The following PDE3A variants were observed in gnomAD, a reference collection of about 807,000 sequenced individuals.
The protein encoded by PDE3A is phosphodiesterase 3A, also known as cGMP-inhibited 3',5'-cyclic phosphodiesterase 3A.
PDE3A carries 43 observed loss-of-function variants against 98.3 expected under a neutral mutation model. The observed-to-expected ratio is 0.44, with a 90% confidence interval of 0.34 to 0.56. The LOEUF is 0.56. Ranked by LOEUF, PDE3A falls within the 20% of genes least tolerant of loss-of-function variation. The pLI, the probability that PDE3A is intolerant of heterozygous loss-of-function variation, is 0.01. For missense variants in PDE3A, 1,427 were observed against 1,440.7 expected (o/e 0.99, Z 0.15); for synonymous variants, 663 against 567.9 (o/e 1.17, Z -2.38).
At position 20,369,413 on chromosome 12, in the gene PDE3A, C is replaced by T; in HGVS notation, c.129C>T (p.Cys43=). ...CCGCATCGCCGCGGGACTCGGGCTG[C>T]CGTGGCTGCTGGGGAGACCTGGTGC... ...ADPASPRDSG[C]RGCWGDLVLQ... Residue 43 remains cysteine, a synonymous_variant, in exon 1 of 16, where the codon TGC becomes TGT. Transcript: ENST00000359062. 2 of 1,554,352 alleles carry T rather than the reference C, an allele frequency of 1.3e-6. No individual in the cohort carries two copies. Among genetic ancestry groups the T allele is most frequent in the Non-Finnish European group, 8.7e-7 (1 of 1,149,790 alleles).
In PDE3A at chr12:20,687,578, C is replaced by A. The variant is rs1592193950; in HGVS notation, c.*7307C>A. ...AGAATGCATACCATTTTTGTTCCAA[C>A]AAGAACAATCTGTTAGTTGATAAGC... On this transcript the variant is annotated 3_prime_UTR_variant, in exon 16 of 16. Coordinates refer to ENST00000359062, the MANE Select transcript of PDE3A (RefSeq NM_000921.5). Among the ~76,000 whole-genome samples, 1 of 151,990 alleles carries A rather than the reference C, an allele frequency of 6.6e-6. No individual in the cohort carries two copies. The highest frequency in any genetic ancestry group is 2.1e-4 in the South Asian group (1 of 4,824).
Position 20,680,115 on chromosome 12 carries a change from T to A in PDE3A, c.3270T>A (p.Ile1090=). The part of the protein sequence containing the change: ...LQNHKMWKKV[I]EEEQRLAGIE... ...ACCACAAGATGTGGAAGAAAGTCAT[T>A]GAAGAGGAGCAACGGTTGGCAGGCA... is the stretch of plus-strand genomic sequence containing the variant. The change falls in exon 16 of 16, where the codon ATT becomes ATA. Residue 1090 remains isoleucine (I), a synonymous_variant. Coordinates refer to ENST00000359062, the MANE Select transcript of PDE3A (RefSeq NM_000921.5). 11 of 1,613,560 alleles carry A rather than the reference T, an allele frequency of 6.8e-6. No individual in the cohort carries two copies. The highest frequency in any genetic ancestry group is 8.5e-6 in the Non-Finnish European group (10 of 1,179,616).
At position 20,585,090 on chromosome 12, in the gene PDE3A, C is replaced by T. The variant is rs1432916829; in HGVS notation, c.1012-28353C>T. Among the ~76,000 whole-genome samples, 70 of 152,208 alleles carry T rather than the reference C, an allele frequency of 4.6e-4. 1 individual carries two copies. The highest frequency in any genetic ancestry group is 1.9e-4 in the Non-Finnish European group (13 of 68,036). ...CTAGTTGCTAATTTGACATTTTCCT[C>T]TGCCTGATTATGTCGGAGGATTTCT... is the stretch of plus-strand genomic sequence containing the variant. On this transcript the variant is annotated intron_variant, in intron 2 of 15. Coordinates refer to ENST00000359062, the MANE Select transcript of PDE3A (RefSeq NM_000921.5).
intron 1 of PDE3A, among the ~76,000 whole-genome samples, chr12:20,453,414 A>G (rs1000947205): frequency 6.6e-6 from 1 of 151,952 alleles, no homozygotes; most frequent in Non-Finnish European, 1.5e-5. Context: ...TCCTGACCTC[A>G]GGTGATCTGC....
Position 20,639,507 on chromosome 12 carries a change from A to G in PDE3A, c.2140-339A>G, listed in dbSNP as rs531999673. On this transcript the variant is annotated intron_variant, in intron 9 of 15. Transcript: ENST00000359062. ...AAAAATCATGAAATTTTCATTATGG[A>G]AAATATGTATATATTTTTGCCATAG... 7.2e-5 allele frequency among the ~76,000 whole-genome samples: 11 copies of G among 152,132 alleles called. No individual in the cohort carries two copies. In the South Asian group the frequency reaches 2.3e-3, roughly 32 times the overall value.
chr12:20,604,519 C>T (rs940284011), intron 2 of PDE3A, among the ~76,000 whole-genome samples: 31 of 152,176 alleles, frequency 2.0e-4, no homozygotes, highest in African/African-American at 7.5e-4. Flanking sequence ...ATAAACCAGG[C>T]TTAGCTTTCT....
At chr12:20,521,467 T>C (rs1295339278) in intron 1 of PDE3A, among the ~76,000 whole-genome samples, 1 of 152,222 alleles carries the variant, frequency 6.6e-6, no homozygotes, top group Non-Finnish European at 1.5e-5. Flanking sequence ...ATACTGAACA[T>C]GTACACTGTC....
At chr12:20,479,704 A>G (rs1408813731) in intron 1 of PDE3A, among the ~76,000 whole-genome samples, 1 of 152,198 alleles carries the variant, frequency 6.6e-6, no homozygotes, top group East Asian at 1.9e-4. Flanking sequence ...TTGGAAAGTG[A>G]TATTACACTG....
intron 10 of PDE3A, among the ~76,000 whole-genome samples, chr12:20,642,816 A>G (rs1272092038): frequency 1.3e-5 from 2 of 152,214 alleles, no homozygotes; most frequent in African/African-American, 2.4e-5. Context: ...CTACCAGAGT[A>G]TTAACTATAT....
At chr12:20,446,445 C>T (rs977672273) in intron 1 of PDE3A, among the ~76,000 whole-genome samples, 5 of 152,090 alleles carry the variant, frequency 3.3e-5, no homozygotes, top group Non-Finnish European at 7.4e-5. Flanking sequence ...CAACAGTTGG[C>T]GAGAAGGCTG....
chr12:20,550,585 C>A (rs1270739159), intron 1 of PDE3A, among the ~76,000 whole-genome samples: 1 of 151,912 alleles, frequency 6.6e-6, no homozygotes, highest in Non-Finnish European at 1.5e-5. Context: ...AAAATTAAAG[C>A]ATTAAAGAAA....
At chr12:20,624,268 G>A (rs1415630205) in intron 5 of PDE3A, among the ~76,000 whole-genome samples, 1 of 152,066 alleles carries the variant, frequency 6.6e-6, no homozygotes, top group African/African-American at 2.4e-5. Flanking sequence ...GAAGGGTTTG[G>A]TTTTCTCTTC....
At chr12:20,644,182 A>G (rs937008336) in intron 10 of PDE3A, among the ~76,000 whole-genome samples, 12 of 152,190 alleles carry the variant, frequency 7.9e-5, no homozygotes, top group African/African-American at 2.7e-4. Context: ...TTTTCCTACC[A>G]TAACAGGTCA....
At chr12:20,672,292 A>C (rs1400698493) in intron 15 of PDE3A, among the ~76,000 whole-genome samples, 5 of 145,022 alleles carry the variant, frequency 3.4e-5, no homozygotes, top group African/African-American at 1.3e-4. Context: ...TTACAGATTC[A>C]ATGCCATCCC....
chr12:20,460,348 C>A (rs551499938), intron 1 of PDE3A, among the ~76,000 whole-genome samples: 145 of 152,190 alleles, frequency 9.5e-4, no homozygotes, highest in Non-Finnish European at 1.8e-3. Flanking sequence ...GTTTTAATAA[C>A]CTGCAAGTAA....
intron 2 of PDE3A, among the ~76,000 whole-genome samples, chr12:20,604,225 G>A (rs921021693): frequency 1.8e-4 from 28 of 151,432 alleles, no homozygotes; most frequent in Admixed American, 1.7e-3. Flanking sequence ...GGGGAGGAGA[G>A]GGGAGGGGAG....
intron 1 of PDE3A, among the ~76,000 whole-genome samples, chr12:20,448,752 G>GTTTTTTTTTTTT (rs34848615): frequency 7.2e-6 from 1 of 138,550 alleles, no homozygotes. Context: ...TTATTTTAAG[G>GTTTTTTTTTTTT]TTTTTTTTTT....
intron 1 of PDE3A, among the ~76,000 whole-genome samples, chr12:20,550,804 CT>C (rs1448493173): frequency 6.6e-6 from 1 of 151,862 alleles, no homozygotes; most frequent in Non-Finnish European, 1.5e-5. Flanking sequence ...TTCACATGTT[CT>C]TTTTTATAAA....
intron 1 of PDE3A, among the ~76,000 whole-genome samples, chr12:20,399,000 G>C (rs1944071963): frequency 6.6e-6 from 1 of 151,946 alleles, no homozygotes; most frequent in Non-Finnish European, 1.5e-5. Context: ...CCAGCCCCTG[G>C]TAACTACCAT....
Sources: allele counts gnomAD v4.1 joint callset (sites outside exome capture counted in the v4.1 genomes callset), GRCh38; gene constraint gnomAD v4.1.1; transcripts MANE v1.5; gene names NCBI Gene and HGNC (gene_info 2026-07-23, HGNC 2026-07-21).